The following HDAC9 variants were observed in gnomAD, a reference collection of about 807,000 sequenced individuals.
HDAC9 encodes the protein MEF-2 interacting transcription repressor (MITR) protein.
In HDAC9, 41 loss-of-function variants were observed where a neutral mutation model predicts 139.4. The ratio of observed to expected loss-of-function variants is 0.29; its 90% confidence interval spans 0.23 to 0.38. The LOEUF (loss-of-function observed/expected upper bound fraction) is 0.38. HDAC9 is among the 10% of genes least tolerant of loss of function. The probability of loss-of-function intolerance (pLI) is 1.00; values close to 1 mark genes in which losing one functional copy is unlikely to be tolerated. For synonymous variants in HDAC9, 517 were observed against 476.2 expected, an observed-to-expected ratio of 1.09 and a Z score of -1.12; for missense variants, 1,147 against 1,297.0, an observed-to-expected ratio of 0.88 and a Z score of 1.78.
At chr7:18,976,113 C>T (rs984693208) in intron 25 of HDAC9, among the ~76,000 whole-genome samples, 160 bp downstream of exon 25, 7 of 152,174 alleles carry the variant, frequency 4.6e-5, no homozygotes, top group Non-Finnish European at 7.3e-5. Flanking sequence ...TTTAGGCTAT[C>T]GAGAATTCAT....
intron 11 of HDAC9, among the ~76,000 whole-genome samples, chr7:18,665,649 T>A (rs1031203002): frequency 1.3e-5 from 2 of 152,128 alleles, no homozygotes; most frequent in African/African-American, 4.8e-5. Context: ...AAGTTCAGAA[T>A]ATCAAAATAA....
intron 24 of HDAC9, among the ~76,000 whole-genome samples, chr7:18,970,387 A>G (rs1784170422): frequency 6.6e-6 from 1 of 152,222 alleles, no homozygotes; most frequent in Non-Finnish European, 1.5e-5. Flanking sequence ...AATGAATTTT[A>G]GTTGTAACAA....
At chr7:18,103,357 C>T (rs1007344041) in intron 1 of HDAC9, among the ~76,000 whole-genome samples, 5 of 152,024 alleles carry the variant, frequency 3.3e-5, no homozygotes, top group Admixed American at 2.0e-4. Flanking sequence ...ATTTTATATT[C>T]GGGGGATACA....
chr7:18,097,656 C>T (rs929422521), intron 1 of HDAC9, among the ~76,000 whole-genome samples: 10 of 152,130 alleles, frequency 6.6e-5, no homozygotes, highest in African/African-American at 9.7e-5. Context: ...CAGCCTTGAA[C>T]TCCTGGGCTC....
chr7:18,990,122 G>C (rs1225196679), intron 25 of HDAC9, among the ~76,000 whole-genome samples: 1 of 152,166 alleles, frequency 6.6e-6, no homozygotes, highest in African/African-American at 2.4e-5. Flanking sequence ...TGGAGGAGGA[G>C]AGGCACTCTG....
At chr7:18,501,883 C>T (rs1798474933) in intron 2 of HDAC9, among the ~76,000 whole-genome samples, 1 of 152,054 alleles carries the variant, frequency 6.6e-6, no homozygotes, top group Non-Finnish European at 1.5e-5. Context: ...GTTGTTTTCT[C>T]CTGCAGATAA....
chr7:18,746,029 C>T (rs1364718959), intron 13 of HDAC9, among the ~76,000 whole-genome samples: 1 of 151,400 alleles, frequency 6.6e-6, no homozygotes, highest in Admixed American at 6.6e-5. Context: ...ACCACCATTC[C>T]TGGCTAGTTT....
intron 1 of HDAC9, among the ~76,000 whole-genome samples, chr7:18,387,244 T>A (rs114600155): frequency 0.01 from 1,538 of 152,342 alleles, 29 homozygotes; most frequent in African/African-American, 0.035. Context: ...TTTCTGTCCA[T>A]CACTATTCTT....
chr7:18,858,429 C>A (rs535228730), intron 21 of HDAC9, among the ~76,000 whole-genome samples: 1 of 152,094 alleles, frequency 6.6e-6, no homozygotes. Context: ...CTTATAAAAC[C>A]GTCAGCTCTC....
intron 22 of HDAC9, among the ~76,000 whole-genome samples, chr7:18,921,426 C>T (rs1176582462): frequency 2.6e-5 from 4 of 152,278 alleles, no homozygotes; most frequent in South Asian, 4.1e-4. Context: ...AGGATATGAA[C>T]AGACACTTCT....
At chr7:18,836,044 TC>T in intron 21 of HDAC9, 47 bp downstream of exon 21, 1 of 1,025,612 alleles carries the variant, frequency 9.8e-7, no homozygotes, top group Non-Finnish European at 1.5e-6. Context: ...AAAATAAATG[TC>T]CATTGAAATA....
intron 23 of HDAC9, among the ~76,000 whole-genome samples, chr7:18,940,296 AC>A (rs1781937710): frequency 6.6e-6 from 1 of 152,170 alleles, no homozygotes; most frequent in Non-Finnish European, 1.5e-5. Context: ...ACTTAGCAAA[AC>A]ATCTCTTAAC....
intron 6 of HDAC9, among the ~76,000 whole-genome samples, chr7:18,619,446 C>A (rs1839613134): frequency 6.6e-6 from 1 of 152,146 alleles, no homozygotes; most frequent in Non-Finnish European, 1.5e-5. Flanking sequence ...GACACAAGAT[C>A]AATGATTACA....
intron 2 of HDAC9, among the ~76,000 whole-genome samples, chr7:18,209,969 G>T (rs1405137818): frequency 6.6e-6 from 1 of 151,786 alleles, no homozygotes; most frequent in African/African-American, 2.4e-5. Context: ...CAAAGTGTTG[G>T]GATTACAGGC....
At chr7:18,578,094 G>GT in intron 2 of HDAC9, 1 of 517,740 alleles carries the variant, frequency 1.9e-6, no homozygotes, top group East Asian at 5.5e-5. Flanking sequence ...CTTTCCCAGA[G>GT]TGCTCTGCTC....
At chr7:18,648,759 C>CT (rs1788259819) in intron 11 of HDAC9, 76 bp downstream of exon 11, 1 of 1,255,802 alleles carries the variant, frequency 8.0e-7, no homozygotes, top group African/African-American at 1.5e-5. Context: ...ATATGGGTGT[C>CT]TAAGAGGAAT....
chr7:18,180,476 T>C (rs1243123945), intron 2 of HDAC9, among the ~76,000 whole-genome samples: 6 of 152,172 alleles, frequency 3.9e-5, no homozygotes, highest in Non-Finnish European at 5.9e-5. Flanking sequence ...TTGATCATTT[T>C]ACAATTTCCA....
intron 2 of HDAC9, among the ~76,000 whole-genome samples, chr7:18,509,986 G>A (rs899600095): frequency 4.6e-5 from 7 of 152,156 alleles, no homozygotes; most frequent in African/African-American, 1.2e-4. Context: ...TGATTAAAGA[G>A]TACAGTGTTA....
At chr7:18,656,312 G>T (rs1791160625) in intron 11 of HDAC9, among the ~76,000 whole-genome samples, 1 of 151,994 alleles carries the variant, frequency 6.6e-6, no homozygotes, top group African/African-American at 2.4e-5. Context: ...ACAGTCTCCG[G>T]TCATGGAATA....
Sources: gnomAD v4.1 joint callset for allele counts (sites outside exome capture counted in the v4.1 genomes callset) on GRCh38, gnomAD v4.1.1 for gene constraint, MANE v1.5 for transcripts, NCBI Gene and HGNC (gene_info 2026-07-23, HGNC 2026-07-21) for gene names.